ADCY2: variants seen among roughly 807,000 people sequenced by gnomAD.
ADCY2 encodes the protein adenylate cyclase type 2.
In ADCY2, 31 loss-of-function variants were observed where a neutral mutation model predicts 125.2. That is an observed-to-expected ratio of 0.25 (90% confidence interval 0.19 to 0.33). ADCY2 has a LOEUF of 0.33. ADCY2 is among the 10% of genes least tolerant of loss of function. The pLI is 1.00. For synonymous variants in ADCY2, 512 were observed against 548.4 expected, an observed-to-expected ratio of 0.93 and a Z score of 0.93; for missense variants, 904 against 1,418.2, an observed-to-expected ratio of 0.64 and a Z score of 5.82.
At chr5:7,677,177 C>G (rs1740156740) in intron 4 of ADCY2, among the ~76,000 whole-genome samples, 1 of 152,090 alleles carries the variant, frequency 6.6e-6, no homozygotes, top group Admixed American at 6.5e-5. Context: ...ACTCGGGAGG[C>G]TGAGGCAGGA....
At chr5:7,789,985 C>A (rs961594946) in intron 20 of ADCY2, among the ~76,000 whole-genome samples, 185 bp downstream of exon 20, 1 of 152,146 alleles carries the variant, frequency 6.6e-6, no homozygotes, top group Non-Finnish European at 1.5e-5. Context: ...TAGAGATATC[C>A]GTTGAGAATA....
chr5:7,761,385 T>A (rs1371970340), intron 16 of ADCY2, among the ~76,000 whole-genome samples: 1 of 152,112 alleles, frequency 6.6e-6, no homozygotes, highest in African/African-American at 2.4e-5. Flanking sequence ...CCTTACCGCG[T>A]GATCCACTGC....
intron 2 of ADCY2, among the ~76,000 whole-genome samples, chr5:7,456,869 A>G (rs1741692191): frequency 6.6e-6 from 1 of 152,180 alleles, no homozygotes; most frequent in African/African-American, 2.4e-5. Flanking sequence ...TTATTCTTCT[A>G]GTTTTATAAG....
intron 2 of ADCY2, among the ~76,000 whole-genome samples, chr5:7,427,492 C>G (rs1740427989): frequency 6.6e-6 from 1 of 152,294 alleles, no homozygotes; most frequent in Middle Eastern, 3.4e-3. Context: ...TGAGAACTCA[C>G]TCACTATCAG....
rs1744636040 is a variant in ADCY2 at position 7,802,718 on chromosome 5, T to C, written c.2775+354T>C. ...AATGAATTATAATAGACTATTGGTG[T>C]GTCTGTGCCTACTTCAATGCCTTTG... On this transcript the variant is annotated intron_variant, in intron 21 of 24. Coordinates refer to ENST00000338316, the MANE Select transcript of ADCY2 (RefSeq NM_020546.3). The surrounding 1 kb of genome is among the most constrained non-coding windows in gnomAD (Gnocchi z 4.6). 6.6e-6 allele frequency among the ~76,000 whole-genome samples: 1 copy of C among 152,226 alleles called. No individual in the cohort carries two copies. The highest frequency in any genetic ancestry group is 2.4e-5 in the African/African-American group (1 of 41,462).
intron 2 of ADCY2, among the ~76,000 whole-genome samples, chr5:7,441,955 G>A (rs1741031079): frequency 1.3e-5 from 2 of 152,242 alleles, no homozygotes; most frequent in South Asian, 4.1e-4. Flanking sequence ...CTTGGCAACC[G>A]CCACAATTAC....
chr5:7,512,233 A>AAAAAAAAAAAAAAAAAAAAAAAAAC (rs1561066830), intron 2 of ADCY2, among the ~76,000 whole-genome samples: 1 of 143,758 alleles, frequency 7.0e-6, no homozygotes. Flanking sequence ...AAAAAAAAAA[A>AAAAAAAAAAAAAAAAAAAAAAAAAC]AAAAAAAGAA....
intron 4 of ADCY2, among the ~76,000 whole-genome samples, chr5:7,670,550 A>G (rs1333277817): frequency 1.3e-5 from 2 of 152,230 alleles, no homozygotes; most frequent in Non-Finnish European, 2.9e-5. Context: ...TATATGCTCA[A>G]TGGTACATGG....
At chr5:7,674,562 T>A (rs947458638) in intron 4 of ADCY2, among the ~76,000 whole-genome samples, 4 of 152,236 alleles carry the variant, frequency 2.6e-5, no homozygotes, top group African/African-American at 9.6e-5. Flanking sequence ...ATTCATTTTT[T>A]AAAACACTTT....
chr5:7,766,121 C>T (rs1297499359), intron 16 of ADCY2, among the ~76,000 whole-genome samples: 1 of 152,160 alleles, frequency 6.6e-6, no homozygotes, highest in African/African-American at 2.4e-5. Context: ...GTCCAGAGAA[C>T]ATCCATCCTT....
chr5:7,709,315 G>A lies in ADCY2; in HGVS notation c.1506G>A (p.Gly502=), dbSNP rs1351695806. The part of the protein sequence containing the change: ...VRMTRYLESW[G]AAKPFAHLHH... Reference sequence around the variant, plus strand: ...TGACCCGGTACTTGGAGTCCTGGGGGGCAGCCAAGCCCTTTGCACACCTAC... The same window carrying A: ...TGACCCGGTACTTGGAGTCCTGGGGAGCAGCCAAGCCCTTTGCACACCTAC... The change falls in exon 10 of 25, where the codon GGG becomes GGA. Residue 502 remains glycine (G), a synonymous_variant. Coordinates refer to ENST00000338316, the MANE Select transcript of ADCY2 (RefSeq NM_020546.3). The surrounding 1 kb of genome is among the most constrained non-coding windows in gnomAD (Gnocchi z 4.4). 6.2e-7 allele frequency: 1 copy of A among 1,613,624 alleles called. No homozygotes were observed. The highest frequency in any genetic ancestry group is 1.1e-5 in the South Asian group (1 of 90,972).
chr5:7,705,851 T>G (rs1741250826), intron 7 of ADCY2, among the ~76,000 whole-genome samples: 1 of 152,242 alleles, frequency 6.6e-6, no homozygotes, highest in African/African-American at 2.4e-5. Flanking sequence ...TTTGATCATT[T>G]TTAGCATGCT....
chr5:7,692,688 C>T (rs59716650), intron 5 of ADCY2, among the ~76,000 whole-genome samples: 7,267 of 152,184 alleles, frequency 0.048, 446 homozygotes, highest in African/African-American at 0.15. Flanking sequence ...TGTACCTGAC[C>T]CCTTGGCCTT....
chr5:7,502,768 C>G (rs1561061200), intron 2 of ADCY2, among the ~76,000 whole-genome samples: 1 of 152,156 alleles, frequency 6.6e-6, no homozygotes, highest in Admixed American at 6.5e-5. Flanking sequence ...TGATACTCAT[C>G]TAGCTTTTCC....
rs751777200 is a variant in ADCY2, at chr5:7,789,773, C to T, written c.2601C>T (p.His867=). 6.5e-7 allele frequency: 1 copy of T among 1,527,164 alleles called. No individual in the cohort carries two copies. Among genetic ancestry groups the T allele is most frequent in the East Asian group, 2.6e-5 (1 of 38,326 alleles). 94.6% of individuals were successfully genotyped at this position (1,527,164 alleles called of 1,614,324 possible). Residue 867 remains histidine, a synonymous_variant, in exon 20 of 25, where the codon CAC becomes CAT. Transcript: ENST00000338316. ...TGCTTCCCGCGCACGTGGCTGAGCA[C>T]TTCCTGGCCAGGAGCCTGAAGAATG... is the stretch of plus-strand genomic sequence containing the variant. The part of the protein sequence containing the change: ...ENVLPAHVAE[H]FLARSLKNEE...
At chr5:7,402,465 A>G (rs1465421291) in intron 1 of ADCY2, among the ~76,000 whole-genome samples, 1 of 152,298 alleles carries the variant, frequency 6.6e-6, no homozygotes, top group Middle Eastern at 3.4e-3. Flanking sequence ...GCTTCTGCTT[A>G]TACTTCTGTC....
chr5:7,698,969 T>G (rs1421761708), intron 7 of ADCY2, among the ~76,000 whole-genome samples: 1 of 151,624 alleles, frequency 6.6e-6, no homozygotes, highest in East Asian at 2.0e-4. Flanking sequence ...CCACACTGTC[T>G]GTCACAACGG....
chr5:7,457,329 G>C (rs1741715553), intron 2 of ADCY2, among the ~76,000 whole-genome samples: 1 of 152,160 alleles, frequency 6.6e-6, no homozygotes, highest in South Asian at 2.1e-4. Flanking sequence ...GCCTGGCTGG[G>C]CTTCCTGTGC....
intron 24 of ADCY2, 23 bp from the exon 25 acceptor site, chr5:7,826,696 T>G: frequency 7.4e-6 from 12 of 1,613,928 alleles, no homozygotes; most frequent in Non-Finnish European, 1.0e-5. Flanking sequence ...AAGCCCGTTT[T>G]CCCGTGTTCC....
Sources: gnomAD v4.1 joint callset for allele counts (sites outside exome capture counted in the v4.1 genomes callset) on GRCh38, gnomAD v4.1.1 for gene constraint, Gnocchi (gnomAD v3.1) non-coding constraint, MANE v1.5 for transcripts, NCBI Gene and HGNC (gene_info 2026-07-23, HGNC 2026-07-21) for gene names.